Variants in FAM20C observed in about 807,000 individuals in gnomAD.
FAM20C encodes extracellular serine/threonine protein kinase FAM20C.
A neutral mutation model predicts 51.5 loss-of-function variants in FAM20C; 40 were observed. The ratio of observed to expected loss-of-function variants is 0.78; its 90% CI spans 0.60 to 1.01. The LOEUF is 1.01. FAM20C is among the 50% of genes least tolerant of loss of function. The pLI, the probability that FAM20C is intolerant of heterozygous loss-of-function variation, is 0.00. For missense variants in FAM20C, 861 were observed against 844.7 expected (o/e 1.02, Z -0.24); for synonymous variants, 406 against 380.6 (o/e 1.07, Z -0.78).
chr7:241,940 T>C (rs1787960555), intron 3 of FAM20C, among the ~76,000 whole-genome samples: 2 of 152,164 alleles, frequency 1.3e-5, no homozygotes, highest in Admixed American at 6.5e-5. Context: ...TCTGTGTGTG[T>C]GCGTGCGTAT....
chr7:210,767 C>T (rs539402139), intron 3 of FAM20C, among the ~76,000 whole-genome samples: 19 of 152,218 alleles, frequency 1.2e-4, no homozygotes, highest in South Asian at 6.2e-4. Context: ...TTTCATGGTC[C>T]GTGTGAATCC....
At chr7:252,335 C>T in intron 5 of FAM20C, among the ~76,000 whole-genome samples, 1 of 143,650 alleles carries the variant, frequency 7.0e-6, no homozygotes, top group Non-Finnish European at 1.5e-5. Flanking sequence ...TCTCGGAGGC[C>T]CTGCCAGAGC....
At chr7:248,253 G>C (rs1397039293) in intron 4 of FAM20C, 62 bp from the exon 5 acceptor site, 1 of 1,233,256 alleles carries the variant, frequency 8.1e-7, no homozygotes, top group East Asian at 2.6e-5. Flanking sequence ...TTTGGAGGCA[G>C]GGACACAGAG....
intron 3 of FAM20C, chr7:229,635 A>T (rs2115114843): frequency 6.6e-6 from 1 of 152,450 alleles, no homozygotes; most frequent in Admixed American, 6.5e-5. Context: ...GGGCTGGAAC[A>T]AGTGACGCAG....
At chr7:249,645 C>G (rs532199518) in intron 5 of FAM20C, among the ~76,000 whole-genome samples, 3 of 152,240 alleles carry the variant, frequency 2.0e-5, no homozygotes, top group Admixed American at 2.0e-4. Context: ...GAGGCTGAGG[C>G]AGGAGGATTG....
chr7:231,297 G>A (rs1416335257), intron 3 of FAM20C, among the ~76,000 whole-genome samples: 4 of 152,268 alleles, frequency 2.6e-5, no homozygotes, highest in East Asian at 3.9e-4. Flanking sequence ...TGGCCGGGGC[G>A]GGAGACGTCG....
intron 3 of FAM20C, chr7:246,191 G>A (rs1343522315): frequency 2.4e-5 from 12 of 502,572 alleles, no homozygotes; most frequent in Non-Finnish European, 4.0e-5. Context: ...CTGGGTCAGG[G>A]CCACGGGGAG....
At chr7:258,471 GTGCTGGAGATGGGTGGGA>G (rs1788736567) in intron 8 of FAM20C, among the ~76,000 whole-genome samples, 157 bp from the exon 9 acceptor site, 2 of 139,122 alleles carry the variant, frequency 1.4e-5, no homozygotes, top group Admixed American at 6.9e-5. Flanking sequence ...ACTGCCTGGG[GTGCTGGAGATGGGTGGGA>G]TGGACCCACT....
At chr7:212,406 T>C (rs1011535442) in intron 3 of FAM20C, among the ~76,000 whole-genome samples, 7 of 152,064 alleles carry the variant, frequency 4.6e-5, no homozygotes, top group African/African-American at 1.7e-4. Context: ...GAGGTTACAG[T>C]GAGCCGAGCT....
intron 3 of FAM20C, among the ~76,000 whole-genome samples, chr7:215,186 T>G: frequency 1.4e-5 from 2 of 143,452 alleles, no homozygotes; most frequent in Non-Finnish European, 3.0e-5. Flanking sequence ...AGAGGCGGAG[T>G]GAGCGAGTGA....
chr7:208,312 C>T (rs563622381), intron 2 of FAM20C, among the ~76,000 whole-genome samples: 1 of 144,558 alleles, frequency 6.9e-6, no homozygotes, highest in African/African-American at 2.6e-5. Flanking sequence ...CGAGATTAGG[C>T]CCTTGTGTCT....
Position 195,750 on chromosome 7 carries a change from C to A in FAM20C, c.784+18C>A. The A allele has an allele frequency of 1.3e-6, 2 of 1,563,484 alleles. No individual in the cohort carries two copies. The highest frequency in any genetic ancestry group is 1.7e-6 in the Non-Finnish European group (2 of 1,150,380). On this transcript the variant is annotated intron_variant, in intron 2 of 9. Coordinates refer to ENST00000313766, the MANE Select transcript of FAM20C (RefSeq NM_020223.4). Reference sequence around the variant, plus strand: ...CAGCGTGGGTAGGTGTCCTTGGGTGCACTCAGGGCCGTCTGTGTGCCGGCT... The same window carrying A: ...CAGCGTGGGTAGGTGTCCTTGGGTGAACTCAGGGCCGTCTGTGTGCCGGCT...
At chr7:206,932 G>A (rs1583288159) in intron 2 of FAM20C, among the ~76,000 whole-genome samples, 1 of 47,462 alleles carries the variant, frequency 2.1e-5, no homozygotes. Context: ...CCCCGCACAC[G>A]TGTCCACTGT....
intron 3 of FAM20C, among the ~76,000 whole-genome samples, chr7:222,732 G>A (rs1328479442): frequency 6.6e-6 from 1 of 152,214 alleles, no homozygotes; most frequent in African/African-American, 2.4e-5. Context: ...AGTGCTGCTT[G>A]GTGCTGGGGG....
intron 3 of FAM20C, among the ~76,000 whole-genome samples, chr7:223,061 A>C (rs1273228558): frequency 6.6e-6 from 1 of 151,914 alleles, no homozygotes; most frequent in Non-Finnish European, 1.5e-5. Context: ...GTGCACACTC[A>C]TGCACGTGTG....
At position 227,598 on chromosome 7, in the gene FAM20C, G is replaced by A. The variant is rs528597824; in HGVS notation, c.863+18622G>A. ...CCCTTTTATTACTTTGAAATGAAAGGAAGCATCACAAGGGTTTCATAGGAA... is the reference window on the plus strand; with the variant it reads ...CCCTTTTATTACTTTGAAATGAAAGAAAGCATCACAAGGGTTTCATAGGAA... On this transcript the variant is annotated intron_variant, in intron 3 of 9. Transcript: ENST00000313766. The A allele has an allele frequency of 3.9e-5, 6 of 152,188 alleles. No individual in the cohort carries two copies. In the East Asian group the frequency reaches 9.7e-4, roughly 25 times the overall value. 9.4% of individuals were successfully genotyped at this position (152,188 alleles called of 1,614,324 possible). A position where few individuals can be genotyped will look rare whatever the true frequency, so the allele number is the denominator to read the frequency against.
chr7:195,917 A>G (rs1562359998), intron 2 of FAM20C, among the ~76,000 whole-genome samples, 185 bp downstream of exon 2: 2 of 152,198 alleles, frequency 1.3e-5, no homozygotes, highest in Non-Finnish European at 2.9e-5. Flanking sequence ...GTGCTCTCAC[A>G]CTGGATGTGC....
chr7:212,316 A>C (rs1786761231), intron 3 of FAM20C, among the ~76,000 whole-genome samples: 1 of 152,162 alleles, frequency 6.6e-6, no homozygotes, highest in Non-Finnish European at 1.5e-5. Flanking sequence ...TATAAAAATT[A>C]GCCGGGTGTG....
chr7:240,502 G>C (rs1177632782), intron 3 of FAM20C, among the ~76,000 whole-genome samples: 1 of 151,716 alleles, frequency 6.6e-6, no homozygotes, highest in Non-Finnish European at 1.5e-5. Context: ...GGTGATGGTG[G>C]AGGTGATGAT....
Sources: gnomAD v4.1 joint callset for allele counts (sites outside exome capture counted in the v4.1 genomes callset) on GRCh38, gnomAD v4.1.1 for gene constraint, MANE v1.5 for transcripts, NCBI Gene and HGNC (gene_info 2026-07-23, HGNC 2026-07-21) for gene names.